ATP8B4: variants seen among roughly 807,000 people sequenced by gnomAD.
The protein encoded by ATP8B4 is ATPase phospholipid transporting 8B4 (putative).
ATP8B4 carries 133 observed loss-of-function variants against 145.6 expected under a neutral mutation model. That is an observed-to-expected ratio of 0.91 (90% CI 0.79 to 1.05). ATP8B4 has a LOEUF of 1.05. Ranked by LOEUF, ATP8B4 falls within the 50% of genes least tolerant of loss-of-function variation. The probability of loss-of-function intolerance (pLI) is 0.00; values close to 1 mark genes in which losing one functional copy is unlikely to be tolerated. For missense variants in ATP8B4, 1,458 were observed against 1,425.2 expected (o/e 1.02, Z -0.37); for synonymous variants, 507 against 492.9 (o/e 1.03, Z -0.38).
chr15:50,172,872 G>T (rs1261170337), intron 1 of ATP8B4, among the ~76,000 whole-genome samples: 1 of 150,406 alleles, frequency 6.6e-6, no homozygotes, highest in South Asian at 2.1e-4. Context: ...CTGACCGGCC[G>T]CCCCGTCTGA....
At chr15:50,170,001 A>G (rs1400576036) in intron 1 of ATP8B4, among the ~76,000 whole-genome samples, 1 of 152,136 alleles carries the variant, frequency 6.6e-6, no homozygotes, top group Non-Finnish European at 1.5e-5. Flanking sequence ...TTAAGACAAT[A>G]TAAACAAAGC....
intron 12 of ATP8B4, among the ~76,000 whole-genome samples, chr15:49,974,751 G>T (rs146111066): frequency 4.5e-4 from 69 of 152,158 alleles, no homozygotes; most frequent in African/African-American, 1.6e-3. Flanking sequence ...TTGAAAGTTT[G>T]ATATACATAT....
intron 1 of ATP8B4, among the ~76,000 whole-genome samples, chr15:50,176,102 GTA>G (rs761439662): frequency 1.3e-5 from 2 of 149,264 alleles, no homozygotes; most frequent in African/African-American, 2.5e-5. Context: ...TATATAGTGT[GTA>G]TATATATATA....
At chr15:50,071,989 AAG>A (rs1431223302) in intron 3 of ATP8B4, among the ~76,000 whole-genome samples, 1 of 151,818 alleles carries the variant, frequency 6.6e-6, no homozygotes, top group Non-Finnish European at 1.5e-5. Flanking sequence ...AGCACGAAAA[AAG>A]AGAAATTTAA....
At chr15:49,874,773 T>C (rs920835109) in intron 25 of ATP8B4, among the ~76,000 whole-genome samples, 4 of 152,176 alleles carry the variant, frequency 2.6e-5, no homozygotes, top group African/African-American at 9.7e-5. Flanking sequence ...AGTTCTGTAA[T>C]TTTTTCGTGA....
At chr15:49,899,299 C>A (rs985253477) in intron 21 of ATP8B4, among the ~76,000 whole-genome samples, 3 of 152,150 alleles carry the variant, frequency 2.0e-5, no homozygotes, top group African/African-American at 7.2e-5. Context: ...CCTCTGTGCT[C>A]TCAAAGCATT....
chr15:49,962,649 A>G (rs961739114), intron 13 of ATP8B4, among the ~76,000 whole-genome samples: 2 of 152,340 alleles, frequency 1.3e-5, no homozygotes, highest in East Asian at 1.9e-4. Context: ...TCATCCAGAA[A>G]TAACTAGTAT....
chr15:49,968,948 G>A (rs964605032), intron 13 of ATP8B4, among the ~76,000 whole-genome samples: 8 of 152,098 alleles, frequency 5.3e-5, no homozygotes, highest in Non-Finnish European at 1.0e-4. Flanking sequence ...TGTAATCAAA[G>A]TAGAACTCAG....
rs935208256 is a variant in ATP8B4 at position 49,879,536 on chromosome 15, A to C, written c.2698-77T>G. On this transcript the variant is annotated intron_variant, in intron 23 of 27. Transcript: ENST00000284509. ...ATATTCACATTTAGGTTAAATAACCAGGTTTTCTGAGGTGGGTGGGAGTTG... is the reference window on the plus strand; with the variant it reads ...ATATTCACATTTAGGTTAAATAACCCGGTTTTCTGAGGTGGGTGGGAGTTG... 4 of 1,255,762 alleles carry C rather than the reference A, an allele frequency of 3.2e-6. No individual in the cohort carries two copies. In the African/African-American group the frequency reaches 6.1e-5, roughly 19 times the overall value. 77.8% of individuals were successfully genotyped at this position (1,255,762 alleles called of 1,614,324 possible).
chr15:50,128,359 G>A (rs750019221), intron 1 of ATP8B4, among the ~76,000 whole-genome samples: 58 of 152,246 alleles, frequency 3.8e-4, no homozygotes, highest in Non-Finnish European at 7.8e-4. Context: ...CAGAGCATCA[G>A]ATCCAGCAAA....
At chr15:49,874,422 A>G (rs1242994163) in intron 25 of ATP8B4, among the ~76,000 whole-genome samples, 1 of 152,198 alleles carries the variant, frequency 6.6e-6, no homozygotes, top group Non-Finnish European at 1.5e-5. Context: ...GGAGCAGAAC[A>G]AAAGCCAGTG....
chr15:49,977,017 A>T (rs866962367), intron 12 of ATP8B4, among the ~76,000 whole-genome samples: 2 of 151,970 alleles, frequency 1.3e-5, no homozygotes, highest in African/African-American at 2.4e-5. Context: ...TTATGTATTT[A>T]AAAAAAACTG....
intron 14 of ATP8B4, among the ~76,000 whole-genome samples, chr15:49,960,839 T>G (rs1009775129): frequency 2.6e-5 from 4 of 152,076 alleles, no homozygotes; most frequent in African/African-American, 9.7e-5. Context: ...GGTAAAAAAA[T>G]TATGAACCAG....
intron 20 of ATP8B4, among the ~76,000 whole-genome samples, chr15:49,905,767 T>C (rs2038547190): frequency 6.6e-6 from 1 of 152,332 alleles, no homozygotes; most frequent in East Asian, 1.9e-4. Flanking sequence ...TTTTTCTAAT[T>C]GTAAAAGCAT....
intron 13 of ATP8B4, among the ~76,000 whole-genome samples, chr15:49,968,438 A>G (rs2044760546): frequency 6.6e-6 from 1 of 152,110 alleles, no homozygotes; most frequent in Non-Finnish European, 1.5e-5. Context: ...TATTTACCAA[A>G]CAAATGGAAA....
At chr15:49,915,455 G>C (rs2039645830) in intron 20 of ATP8B4, among the ~76,000 whole-genome samples, 1 of 152,062 alleles carries the variant, frequency 6.6e-6, no homozygotes, top group Non-Finnish European at 1.5e-5. Context: ...AGCCAGAAGA[G>C]AGGACTTTCT....
At position 49,950,597 on chromosome 15, in the gene ATP8B4, A is replaced by AAAC. The variant is rs1442066682; in HGVS notation, c.1287+11379_1287+11380insGTT. 6.9e-5 allele frequency among the ~76,000 whole-genome samples: 6 copies of AAAC among 86,640 alleles called. 1 individual carries two copies. Among genetic ancestry groups the AAAC allele is most frequent in the African/African-American group, 1.8e-4 (5 of 27,520 alleles). The allele number at this position is 86,640 out of a possible 152,430, so 56.8% of individuals were successfully genotyped here. A position where few individuals can be genotyped will look rare whatever the true frequency, so the allele number is the denominator to read the frequency against. ...AGCCATCTATGTATTAACTAAAAAAAAAAAACAAACAAACAAACAAACAAA... is the reference window on the plus strand; with the variant it reads ...AGCCATCTATGTATTAACTAAAAAAAAACAAAAACAAACAAACAAACAAACAAA... On this transcript the variant is annotated intron_variant, in intron 14 of 27. Coordinates refer to ENST00000284509, the MANE Select transcript of ATP8B4 (RefSeq NM_024837.4).
chr15:49,922,448 A>C (rs2040346065), intron 17 of ATP8B4: 3 of 430,410 alleles, frequency 7.0e-6, no homozygotes, highest in Non-Finnish European at 1.4e-5. Flanking sequence ...TTGGAAAGAC[A>C]AAAAACAATA....
At chr15:50,137,412 G>A (rs1262046337) in intron 1 of ATP8B4, among the ~76,000 whole-genome samples, 1 of 152,226 alleles carries the variant, frequency 6.6e-6, no homozygotes, top group African/African-American at 2.4e-5. Flanking sequence ...AGTCCTGACT[G>A]AGGAGAGCCA....
Sources: allele counts gnomAD v4.1 joint callset (sites outside exome capture counted in the v4.1 genomes callset), GRCh38; gene constraint gnomAD v4.1.1; transcripts MANE v1.5; gene names NCBI Gene and HGNC (gene_info 2026-07-23, HGNC 2026-07-21).